MED13L: variants seen among roughly 807,000 people sequenced by gnomAD.
The protein encoded by MED13L is mediator complex subunit 13L.
Under a neutral mutation model 220.9 loss-of-function variants are expected in MED13L, and 7 were observed. The ratio of observed to expected loss-of-function variants is 0.03; its 90% CI spans 0.02 to 0.06. The LOEUF (loss-of-function observed/expected upper bound fraction) is 0.06, where lower values mean the gene tolerates loss of function less well. MED13L is among the 10% of genes least tolerant of loss of function. MED13L has a pLI of 1.00. For missense variants in MED13L, 1,965 were observed against 2,760.5 expected (o/e 0.71, Z 6.46); for synonymous variants, 1,011 against 1,015.2 (o/e 1.00, Z 0.08).
rs1879209153 is a variant in MED13L, at chr12:116,008,727, C to T, written c.1686G>A (p.Gln562=). Residue 562 remains glutamine, a synonymous_variant, in exon 10 of 31, where the codon CAG becomes CAA. Transcript: ENST00000281928. ...ISPLPPTLSP[Q]PRGQETESLD... ...AACTCTCTGTTTCCTGACCTCGTGG[C>T]TGAGGGCTGAGTGTTGGTGGCAGAG... The T allele has an allele frequency of 2.5e-6, 4 of 1,613,994 alleles. No homozygotes were observed. The highest frequency in any genetic ancestry group is 1.1e-5 in the South Asian group (1 of 91,076).
chr12:116,170,469 AAAT>A (rs1244255824), intron 2 of MED13L, among the ~76,000 whole-genome samples: 1 of 152,154 alleles, frequency 6.6e-6, no homozygotes, highest in African/African-American at 2.4e-5. Flanking sequence ...TGCAAAACTC[AAAT>A]AATTGCACGA....
intron 3 of MED13L, among the ~76,000 whole-genome samples, chr12:116,109,233 G>A (rs1380214236): frequency 2.0e-5 from 3 of 151,622 alleles, no homozygotes; most frequent in Non-Finnish European, 4.4e-5. Flanking sequence ...ATCATGCTCA[G>A]CTAACTTTTA....
At chr12:116,128,202 T>TTG (rs1401753983) in intron 2 of MED13L, among the ~76,000 whole-genome samples, 1 of 152,188 alleles carries the variant, frequency 6.6e-6, no homozygotes, top group African/African-American at 2.4e-5. Context: ...ATGTCAATCC[T>TTG]TGTGTGCTTA....
intron 2 of MED13L, among the ~76,000 whole-genome samples, chr12:116,172,966 A>T (rs74741713): frequency 0.059 from 8,886 of 151,670 alleles, 329 homozygotes; most frequent in South Asian, 0.098. Context: ...TCCGTGCTAT[A>T]CAACAGATAA....
chr12:116,117,173 A>G (rs892316052), intron 2 of MED13L, among the ~76,000 whole-genome samples: 1 of 152,032 alleles, frequency 6.6e-6, no homozygotes, highest in Non-Finnish European at 1.5e-5. Context: ...ATGCTAAGTA[A>G]AAAGAAGCCA....
intron 4 of MED13L, among the ~76,000 whole-genome samples, chr12:116,023,955 A>C (rs1232156621): frequency 1.3e-5 from 2 of 152,200 alleles, no homozygotes; most frequent in Non-Finnish European, 2.9e-5. Context: ...TCTACATACA[A>C]CATTATGTCT....
intron 2 of MED13L, among the ~76,000 whole-genome samples, chr12:116,150,975 G>C (rs1402392522): frequency 6.6e-6 from 1 of 152,088 alleles, no homozygotes; most frequent in Non-Finnish European, 1.5e-5. Context: ...GCCCACAGTA[G>C]GGACTCGTGT....
intron 2 of MED13L, among the ~76,000 whole-genome samples, chr12:116,219,205 T>G (rs539011630): frequency 6.6e-5 from 10 of 152,298 alleles, no homozygotes; most frequent in African/African-American, 2.2e-4. Context: ...TATTCTTAAC[T>G]TATATAGTGA....
At chr12:116,113,352 G>A (rs1006363372) in intron 2 of MED13L, among the ~76,000 whole-genome samples, 1 of 151,702 alleles carries the variant, frequency 6.6e-6, no homozygotes, top group Non-Finnish European at 1.5e-5. Flanking sequence ...CTTGAAAATA[G>A]GGGGCTGGAT....
At chr12:116,030,760 C>A (rs1354804323) in intron 4 of MED13L, among the ~76,000 whole-genome samples, 1 of 151,948 alleles carries the variant, frequency 6.6e-6, no homozygotes, top group Non-Finnish European at 1.5e-5. Context: ...ACAATAAGAA[C>A]ACTATAAATA....
chr12:116,222,002 T>C (rs1446013908), intron 2 of MED13L, among the ~76,000 whole-genome samples: 1 of 152,184 alleles, frequency 6.6e-6, no homozygotes, highest in Non-Finnish European at 1.5e-5. Flanking sequence ...ACTAAGACTA[T>C]ATTGACAATG....
intron 2 of MED13L, among the ~76,000 whole-genome samples, chr12:116,148,178 T>C (rs995284080): frequency 6.6e-6 from 1 of 151,400 alleles, no homozygotes; most frequent in Non-Finnish European, 1.5e-5. Flanking sequence ...CATACACATA[T>C]ATACAGACAT....
intron 2 of MED13L, among the ~76,000 whole-genome samples, chr12:116,144,387 T>A (rs1051240922): frequency 2.0e-5 from 3 of 152,184 alleles, no homozygotes; most frequent in Admixed American, 6.5e-5. Flanking sequence ...TGAACTGAGA[T>A]CCCATTTCTG....
Position 116,096,652 on chromosome 12 carries a change from G to A in MED13L, c.479+17C>T, listed in dbSNP as rs1356855984. Reference sequence around the variant, plus strand: ...GGCCAAAGAAACCAAAAAGCCAAGAGCATTCTAAAGGCTCACCTTTTGTTG... The same window carrying A: ...GGCCAAAGAAACCAAAAAGCCAAGAACATTCTAAAGGCTCACCTTTTGTTG... On this transcript the variant is annotated intron_variant, in intron 4 of 30. Transcript: ENST00000281928. 1 of 1,608,968 alleles carries A rather than the reference G, an allele frequency of 6.2e-7. No individual in the cohort carries two copies. The highest frequency in any genetic ancestry group is 1.7e-5 in the Admixed American group (1 of 59,994).
At chr12:116,198,783 G>A (rs907669026) in intron 2 of MED13L, among the ~76,000 whole-genome samples, 2 of 152,036 alleles carry the variant, frequency 1.3e-5, no homozygotes, top group African/African-American at 4.8e-5. Flanking sequence ...TAGTAAGCAT[G>A]CAAAACCTAT....
chr12:116,164,809 T>A (rs991132253), intron 2 of MED13L, among the ~76,000 whole-genome samples: 1 of 152,194 alleles, frequency 6.6e-6, no homozygotes, highest in African/African-American at 2.4e-5. Flanking sequence ...AATTTTAGCC[T>A]GAAATGTAGG....
intron 2 of MED13L, among the ~76,000 whole-genome samples, chr12:116,180,473 T>G (rs2138220163): frequency 6.6e-6 from 1 of 152,330 alleles, no homozygotes; most frequent in Non-Finnish European, 1.5e-5. Context: ...ATGTTTTGAC[T>G]TGAGTTCCAT....
At chr12:116,178,681 G>C (rs1026054540) in intron 2 of MED13L, among the ~76,000 whole-genome samples, 2 of 152,164 alleles carry the variant, frequency 1.3e-5, no homozygotes, top group African/African-American at 4.8e-5. Context: ...AATTAGGTCT[G>C]TCTTTATTTT....
intron 2 of MED13L, among the ~76,000 whole-genome samples, chr12:116,148,955 G>A (rs569106631): frequency 6.6e-6 from 1 of 152,182 alleles, no homozygotes; most frequent in East Asian, 1.9e-4. Context: ...ATAGTCTAAT[G>A]ATCTTATAAC....
Sources: gnomAD v4.1 joint callset for allele counts (sites outside exome capture counted in the v4.1 genomes callset) on GRCh38, gnomAD v4.1.1 for gene constraint, MANE v1.5 for transcripts, NCBI Gene and HGNC (gene_info 2026-07-23, HGNC 2026-07-21) for gene names.